Variants in CD44 observed in about 807,000 individuals in gnomAD.
CD44 encodes CD44 antigen.
Under a neutral mutation model 88.8 loss-of-function variants are expected in CD44, and 49 were observed. The observed-to-expected ratio is 0.55, with a 90% confidence interval of 0.44 to 0.70. The LOEUF (loss-of-function observed/expected upper bound fraction) is 0.70. Ranked by LOEUF, CD44 falls within the 30% of genes least tolerant of loss-of-function variation. CD44 has a pLI of 0.00. For missense variants in CD44, 883 were observed against 913.8 expected, an observed-to-expected ratio of 0.97 and a Z score of 0.43; for synonymous variants, 325 against 312.3, an observed-to-expected ratio of 1.04 and a Z score of -0.43.
At position 35,181,859 on chromosome 11, in the gene CD44, ATT is replaced by A. The variant is rs1445491550; in HGVS notation, c.367+1454_367+1455del. On this transcript the variant is annotated intron_variant, in intron 3 of 17. Coordinates refer to ENST00000428726, the MANE Select transcript of CD44 (RefSeq NM_000610.4). Reference sequence around the variant, plus strand: ...ATATAAAAATTATATTTATATATAAATTTATATATATATATTATATATAATTC... The same window carrying A: ...ATATAAAAATTATATTTATATATAAATATATATATATATTATATATAATTC... 1.3e-3 allele frequency among the ~76,000 whole-genome samples: 114 copies of A among 85,976 alleles called. 1 individual carries two copies. The highest frequency in any genetic ancestry group is 5.9e-3 in the African/African-American group (101 of 17,110). 56.4% of individuals were successfully genotyped at this position (85,976 alleles called of 152,430 possible).
intron 14 of CD44, among the ~76,000 whole-genome samples, chr11:35,214,300 T>C (rs772848810): frequency 7.9e-5 from 12 of 152,350 alleles, no homozygotes; most frequent in Middle Eastern, 3.4e-3. Flanking sequence ...TTCAATTTTT[T>C]TTGAAAATAA....
intron 1 of CD44, among the ~76,000 whole-genome samples, chr11:35,140,602 G>T (rs1388560500): frequency 1.3e-5 from 2 of 152,154 alleles, no homozygotes; most frequent in Non-Finnish European, 2.9e-5. Context: ...CTAGGTGGAG[G>T]CTAGGCAGGA....
chr11:35,208,035 G>A, intron 11 of CD44, 70 bp from the exon 12 acceptor site: 2 of 907,214 alleles, frequency 2.2e-6, no homozygotes, highest in Middle Eastern at 2.2e-4. Flanking sequence ...AAAATCAGCT[G>A]TAGACCATAA....
chr11:35,221,543 G>A (rs1444841977), intron 16 of CD44, 111 bp from the exon 17 acceptor site: 3 of 880,800 alleles, frequency 3.4e-6, no homozygotes, highest in Non-Finnish European at 5.8e-6. Flanking sequence ...AGACCCCCCT[G>A]CAGCGCTGAC....
At chr11:35,141,441 T>A (rs1223361839) in intron 1 of CD44, among the ~76,000 whole-genome samples, 2 of 152,154 alleles carry the variant, frequency 1.3e-5, no homozygotes, top group East Asian at 1.9e-4. Context: ...AAGCTGGAGA[T>A]CAGGGAGAGC....
intron 11 of CD44, among the ~76,000 whole-genome samples, chr11:35,207,615 C>G (rs1947995786): frequency 6.6e-6 from 1 of 152,006 alleles, no homozygotes; most frequent in Non-Finnish European, 1.5e-5. Flanking sequence ...CCTAGGTGGT[C>G]TTGGATGACG....
intron 1 of CD44, among the ~76,000 whole-genome samples, chr11:35,148,777 T>C (rs1859716537): frequency 6.6e-6 from 1 of 152,246 alleles, no homozygotes; most frequent in African/African-American, 2.4e-5. Context: ...TTGGATGGCT[T>C]ACTGAATTAA....
chr11:35,209,992 C>T lies in CD44; in HGVS notation c.1544C>T (p.Thr515Ile), dbSNP rs779429096. ...CAGAGTAATTCTCAGAGCTTCTCTA[C>T]ATCACATGAAGGCTTGGAAGAAGAT... ...TQQSNSQSFSTSHEGLEEDKD... is the reference protein window; with the variant it reads ...TQQSNSQSFSISHEGLEEDKD... Residue 515 changes from threonine to isoleucine, a missense_variant, in exon 13 of 18, where the codon ACA (threonine) becomes ATA (isoleucine). Thr to Ile is a moderately conservative substitution (Grantham distance 89, BLOSUM62 -1). This residue lies in a region of CD44 where 631 missense variants were observed against 590.9 expected (regional missense o/e 1.07). Coordinates refer to ENST00000428726, the MANE Select transcript of CD44 (RefSeq NM_000610.4). The T allele has an allele frequency of 2.5e-6, 4 of 1,578,360 alleles. No individual in the cohort carries two copies. The highest frequency in any genetic ancestry group is 1.4e-5 in the African/African-American group (1 of 72,410).
chr11:35,169,680 G>A (rs143678230), intron 1 of CD44, among the ~76,000 whole-genome samples: 76 of 152,358 alleles, frequency 5.0e-4, no homozygotes, highest in Non-Finnish European at 9.3e-4. Flanking sequence ...GGTGGACCAA[G>A]AAGCTATTAT....
At chr11:35,176,925 G>T in intron 2 of CD44, 185 bp downstream of exon 2, 2 of 578,908 alleles carry the variant, frequency 3.5e-6, no homozygotes, top group Non-Finnish European at 6.0e-6. Flanking sequence ...GTCAGCTAAA[G>T]ACACCTTTGT....
intron 1 of CD44, among the ~76,000 whole-genome samples, chr11:35,159,251 A>G (rs1942295823): frequency 6.6e-6 from 1 of 152,198 alleles, no homozygotes; most frequent in African/African-American, 2.4e-5. Flanking sequence ...AATACCTTTA[A>G]TTGCCTTTAG....
chr11:35,151,578 A>G (rs756871181), intron 1 of CD44, among the ~76,000 whole-genome samples: 3 of 152,206 alleles, frequency 2.0e-5, no homozygotes, highest in Non-Finnish European at 4.4e-5. Context: ...ACCTTGGCTC[A>G]GGTATGGAGA....
intron 1 of CD44, among the ~76,000 whole-genome samples, chr11:35,142,795 G>C (rs1858258352): frequency 6.6e-6 from 1 of 152,208 alleles, no homozygotes; most frequent in Non-Finnish European, 1.5e-5. Flanking sequence ...ATGCTGGACA[G>C]CATGAAATTC....
chr11:35,160,128 G>A (rs952904718), intron 1 of CD44, among the ~76,000 whole-genome samples: 1 of 152,194 alleles, frequency 6.6e-6, no homozygotes, highest in African/African-American at 2.4e-5. Context: ...TCAGTTGGGG[G>A]CCACTCAGCA....
At chr11:35,163,377 G>T (rs1942881898) in intron 1 of CD44, among the ~76,000 whole-genome samples, 1 of 152,094 alleles carries the variant, frequency 6.6e-6, no homozygotes, top group African/African-American at 2.4e-5. Context: ...TTACAAGGCA[G>T]TTAGTGCCCA....
intron 2 of CD44, 191 bp downstream of exon 2, chr11:35,176,931 T>G (rs1393520943): frequency 1.8e-6 from 1 of 562,386 alleles, no homozygotes; most frequent in Non-Finnish European, 3.1e-6. Flanking sequence ...TAAAGACACC[T>G]TTGTGAATCA....
In CD44 at chr11:35,229,776, C is replaced by T. The variant is rs931701023; in HGVS notation, c.*443C>T. On this transcript the variant is annotated 3_prime_UTR_variant, in exon 18 of 18. Transcript: ENST00000428726. The stretch of plus-strand genomic sequence containing the variant: ...AGCCTAATCCCTGGGCATTGCTTTC[C>T]ACTGAGGTTGGGGGTTGGGGTGTAC... The T allele has an allele frequency of 1.4e-4, 25 of 174,746 alleles. No individual in the cohort carries two copies. The highest frequency in any genetic ancestry group is 3.3e-4 in the Admixed American group (6 of 18,132). 10.8% of individuals were successfully genotyped at this position (174,746 alleles called of 1,614,324 possible).
chr11:35,229,092 C>A, intron 17 of CD44, 37 bp from the exon 18 acceptor site: 2 of 1,531,072 alleles, frequency 1.3e-6, no homozygotes, highest in East Asian at 2.3e-5. Flanking sequence ...TGAGTCACTG[C>A]AATCTTTCTG....
In CD44 at chr11:35,200,787, T is replaced by A. The variant is rs144517806; in HGVS notation, c.923-295T>A. 6.6e-5 allele frequency among the ~76,000 whole-genome samples: 10 copies of A among 152,294 alleles called. No homozygotes were observed. The East Asian group carries it at 1.9e-3, about 29-fold the overall frequency. ...TATCCTCGGTGGAGGGCTGGTGTTT[T>A]CAAAGCTGTCCTTCCTACTGCTGCA... On this transcript the variant is annotated intron_variant, in intron 7 of 17. Transcript: ENST00000428726.
Sources: gnomAD v4.1 joint callset for allele counts (sites outside exome capture counted in the v4.1 genomes callset) on GRCh38, gnomAD v4.1.1 for gene constraint, gnomAD v4.1.1 regional missense constraint, MANE v1.5 for transcripts, NCBI Gene and HGNC (gene_info 2026-07-23, HGNC 2026-07-21) for gene names.